DICER1: variants seen among roughly 807,000 people sequenced by gnomAD.
DICER1 encodes endoribonuclease Dicer.
DICER1 carries 43 observed loss-of-function variants against 194.1 expected under a neutral mutation model. That is an observed-to-expected ratio of 0.22 (90% confidence interval 0.17 to 0.29). DICER1 has a LOEUF of 0.29. Ranked by LOEUF, DICER1 falls within the 10% of genes least tolerant of loss-of-function variation. The pLI, the probability that DICER1 is intolerant of heterozygous loss-of-function variation, is 1.00. For synonymous variants in DICER1, 832 were observed against 820.5 expected (o/e 1.01, Z -0.24); for missense variants, 1,608 against 2,317.0 (o/e 0.69, Z 6.28).
intron 1 of DICER1, chr14:95,138,059 C>A (rs1015957335): frequency 2.6e-5 from 4 of 154,450 alleles, no homozygotes; most frequent in African/African-American, 9.6e-5. Context: ...TTTCTCAGGC[C>A]CGGTTTCACC....
intron 6 of DICER1, among the ~76,000 whole-genome samples, chr14:95,128,783 T>A (rs1893695795): frequency 6.6e-6 from 1 of 152,226 alleles, no homozygotes; most frequent in Non-Finnish European, 1.5e-5. Context: ...ATTGTAACTG[T>A]CCTAAGAACC....
intron 24 of DICER1, among the ~76,000 whole-genome samples, chr14:95,093,337 T>C (rs1181748309): frequency 6.6e-6 from 1 of 152,206 alleles, no homozygotes; most frequent in East Asian, 1.9e-4. Context: ...ACAAACACAT[T>C]AGAATTAGCT....
chr14:95,142,095 T>C (rs1894859342), intron 1 of DICER1, among the ~76,000 whole-genome samples: 1 of 152,154 alleles, frequency 6.6e-6, no homozygotes, highest in Non-Finnish European at 1.5e-5. Context: ...TCAGTGCTTA[T>C]GTTTTCATTT....
In DICER1 at chr14:95,131,627, G is replaced by A. The variant is rs1060503655; in HGVS notation, c.320C>T (p.Ala107Val). 9.3e-6 allele frequency: 15 copies of A among 1,613,790 alleles called. No individual in the cohort carries two copies. The highest frequency in any genetic ancestry group is 1.3e-5 in the Non-Finnish European group (15 of 1,179,838). Residue 107 changes from alanine (A) to valine (V), a missense_variant, in exon 4 of 27, where the codon GCT (alanine) becomes GTT (valine). Around this residue, in one of 10 missense-constraint regions of DICER1, gnomAD observed 657 missense variants for 910.1 expected, o/e 0.72. Transcript: ENST00000343455. Reference protein sequence around the residue: ...VFLVNSANQVAQQVSAVRTHS... With the variant: ...VFLVNSANQVVQQVSAVRTHS... ...AGTTCTGACAGCTGACACTTGTTGAGCAACCTGGTTTGCTAATTACAAATA... is the reference window on the plus strand; with the variant it reads ...AGTTCTGACAGCTGACACTTGTTGAACAACCTGGTTTGCTAATTACAAATA...
intron 1 of DICER1, among the ~76,000 whole-genome samples, chr14:95,156,251 G>C (rs914501895): frequency 6.6e-6 from 1 of 152,238 alleles, no homozygotes; most frequent in African/African-American, 2.4e-5. Context: ...GGATTGTAAA[G>C]ATTCAGAATA....
At chr14:95,136,728 C>G (rs887605018) in intron 1 of DICER1, 3 of 152,238 alleles carry the variant, frequency 2.0e-5, no homozygotes, top group African/African-American at 7.2e-5. Context: ...CTAAAGATGA[C>G]TCATGAAATT....
At chr14:95,099,547 A>T (rs1018589548) in intron 22 of DICER1, among the ~76,000 whole-genome samples, 1 of 152,202 alleles carries the variant, frequency 6.6e-6, no homozygotes. Context: ...AAGAAATAAT[A>T]AAAATAGAAA....
intron 1 of DICER1, among the ~76,000 whole-genome samples, chr14:95,156,333 C>CTT (rs1352723938): frequency 6.6e-6 from 1 of 152,148 alleles, no homozygotes; most frequent in Non-Finnish European, 1.5e-5. Context: ...CCTGAAAGTC[C>CTT]TAAGAACACT....
intron 1 of DICER1, among the ~76,000 whole-genome samples, chr14:95,136,361 C>T (rs747435685): frequency 6.6e-6 from 1 of 152,116 alleles, no homozygotes; most frequent in Non-Finnish European, 1.5e-5. Context: ...GCTCACTGAT[C>T]AAGGATCCAG....
chr14:95,133,747 G>A (rs1302981630), intron 1 of DICER1, among the ~76,000 whole-genome samples: 1 of 152,160 alleles, frequency 6.6e-6, no homozygotes, highest in Non-Finnish European at 1.5e-5. Flanking sequence ...ACAAAGAGAT[G>A]TACATGAATA....
At position 95,137,487 on chromosome 14, in the gene DICER1, G is replaced by C. The variant is rs1056404534; in HGVS notation, c.-45-3984C>G. On this transcript the variant is annotated intron_variant, in intron 1 of 26. Transcript: ENST00000343455. ...AAAAGGGGACAGGAATGGGGATAGG[G>C]AAGGGGAAGGGAAAGGGGAAGGGGA... Among the ~76,000 whole-genome samples the C allele has an allele frequency of 1.2e-3, 156 of 126,786 alleles. 1 individual carries two copies. The highest frequency in any genetic ancestry group is 1.1e-4 in the Non-Finnish European group (7 of 61,202). 83.2% of individuals were successfully genotyped at this position (126,786 alleles called of 152,430 possible).
chr14:95,143,752 TC>T (rs1414254312), intron 1 of DICER1, among the ~76,000 whole-genome samples: 2 of 152,338 alleles, frequency 1.3e-5, no homozygotes, highest in South Asian at 2.1e-4. Flanking sequence ...TTGTTTTCTT[TC>T]TTTTCTACCT....
At chr14:95,156,371 C>A (rs1044629927) in intron 1 of DICER1, among the ~76,000 whole-genome samples, 5 of 152,156 alleles carry the variant, frequency 3.3e-5, no homozygotes, top group African/African-American at 1.2e-4. Context: ...AGTAACGTGT[C>A]CCTTTAACCA....
In DICER1 at chr14:95,090,626, T is replaced by G; in HGVS notation, c.5641A>C (p.Thr1881Pro). ...TTCCCCTTTCCTACTACTTCCACAG[T>G]GACTCTGACCTTCCCGTCGTAAGTT... ...ERTYDGKVRV[T>P]VEVVGKGKFK... The change falls in exon 27 of 27, where the codon ACT becomes CCT. Residue 1881 changes from threonine (T) to proline (P), a missense_variant. Thr to Pro is a conservative substitution (Grantham distance 38). Around this residue, in one of 10 missense-constraint regions of DICER1, gnomAD observed 138 missense variants for 298.3 expected, o/e 0.46. Transcript: ENST00000343455. The G allele has an allele frequency of 6.2e-7, 1 of 1,614,186 alleles. No individual in the cohort carries two copies. The highest frequency in any genetic ancestry group is 8.5e-7 in the Non-Finnish European group (1 of 1,180,016).
At chr14:95,095,434 T>C (rs531362586) in intron 23 of DICER1, 11 of 241,776 alleles carry the variant, frequency 4.5e-5, no homozygotes, top group African/African-American at 2.5e-4. Context: ...GGAAGAACAA[T>C]AAAAGGCTGT....
In DICER1 at chr14:95,091,107, T is replaced by C. The variant is rs1555366112; in HGVS notation, c.5530A>G (p.Lys1844Glu). Residue 1844 changes from lysine (K) to glutamate (E), a missense_variant and splice_region_variant, in exon 26 of 27, where the codon AAG (lysine) becomes GAG (glutamate). Physicochemically the swap from Lys to Glu is moderately conservative, Grantham distance 56. This residue lies in a region of DICER1 where 138 missense variants were observed against 298.3 expected (regional missense o/e 0.46). Coordinates refer to ENST00000343455, the MANE Select transcript of DICER1 (RefSeq NM_177438.3). ...YYPMMRPLIE[K>E]FSANVPRSPV... ...GAACGGGGTACATTTGCAGAAAACT[T>C]TTCTGCAATCAAAATGAAAGAATAA... The C allele has an allele frequency of 6.2e-7, 1 of 1,614,124 alleles. No individual in the cohort carries two copies. The highest frequency in any genetic ancestry group is 8.5e-7 in the Non-Finnish European group (1 of 1,180,010).
chr14:95,120,970 A>G (rs1285509095), intron 8 of DICER1, among the ~76,000 whole-genome samples: 1 of 152,230 alleles, frequency 6.6e-6, no homozygotes, highest in Non-Finnish European at 1.5e-5. Context: ...AAAGCAGACA[A>G]ACACTATCAC....
rs1237930305 is a variant in DICER1 at position 95,091,014 on chromosome 14, C to G, written c.5603+20G>C. ...GATGTTTTTAAGTTAATGTTTTTTC[C>G]ATGTACATTTTTTGCTTACCTAAAT... On this transcript the variant is annotated intron_variant, in intron 26 of 26. Coordinates refer to ENST00000343455, the MANE Select transcript of DICER1 (RefSeq NM_177438.3). 5 of 1,603,474 alleles carry G rather than the reference C, an allele frequency of 3.1e-6. No individual in the cohort carries two copies. The highest frequency in any genetic ancestry group is 4.3e-6 in the Non-Finnish European group (5 of 1,171,698).
chr14:95,124,688 A>T lies in DICER1; in HGVS notation c.904-20T>A. 1 of 1,573,474 alleles carries T rather than the reference A, an allele frequency of 6.4e-7. No homozygotes were observed. Among genetic ancestry groups the T allele is most frequent in the Non-Finnish European group, 8.7e-7 (1 of 1,144,182 alleles). On this transcript the variant is annotated intron_variant, in intron 7 of 26. Coordinates refer to ENST00000343455, the MANE Select transcript of DICER1 (RefSeq NM_177438.3). The surrounding 1 kb of genome is among the most constrained non-coding windows in gnomAD (Gnocchi z 4.5). ...TAGTATCTACAAAAAAAAGAAAAGA[A>T]AAAACCTAATGCCAAATAATAATAA...
Sources: gnomAD v4.1 joint callset for allele counts (sites outside exome capture counted in the v4.1 genomes callset) on GRCh38, gnomAD v4.1.1 for gene constraint, gnomAD v4.1.1 regional missense constraint, Gnocchi (gnomAD v3.1) non-coding constraint, MANE v1.5 for transcripts, NCBI Gene and HGNC (gene_info 2026-07-23, HGNC 2026-07-21) for gene names.